The following DBH variants were observed in gnomAD, a reference collection of about 807,000 sequenced individuals.
DBH encodes the protein dopamine beta-hydroxylase.
In DBH, 49 loss-of-function variants were observed where a neutral mutation model predicts 64.0. That is an observed-to-expected ratio of 0.77 (90% CI 0.61 to 0.97). DBH has a LOEUF of 0.97. DBH is among the 50% of genes least tolerant of loss of function. DBH has a pLI of 0.00. For missense variants in DBH, 828 were observed against 826.6 expected (o/e 1.00, Z -0.02); for synonymous variants, 343 against 347.1 (o/e 0.99, Z 0.13).
chr9:133,657,497 GGAGAGAGAGAGAGAGA>G (rs149061808), intron 11 of DBH, among the ~76,000 whole-genome samples: 2 of 143,056 alleles, frequency 1.4e-5, no homozygotes, highest in African/African-American at 2.7e-5. Context: ...GAGAGAGAGA[GGAGAGAGAGAGAGAGA>G]GAGAGGGAGA....
At chr9:133,652,328 T>G (rs1564213300) in intron 8 of DBH, 44 bp downstream of exon 8, 1 of 1,605,320 alleles carries the variant, frequency 6.2e-7, no homozygotes, top group South Asian at 1.1e-5. Context: ...TGCCACCAGC[T>G]GGGGTGGCTG....
chr9:133,657,459 G>GAGAGAGAGGA, intron 11 of DBH: 1 of 506,326 alleles, frequency 2.0e-6, no homozygotes, highest in Non-Finnish European at 3.5e-6. Flanking sequence ...GAGGAGAGAG[G>GAGAGAGAGGA]GAGAGGGAGA....
chr9:133,647,741 C>T, intron 5 of DBH, 105 bp from the exon 6 acceptor site: 1 of 1,419,924 alleles, frequency 7.0e-7, no homozygotes, highest in East Asian at 2.5e-5. Context: ...ACCGGCCCTG[C>T]CTCCTGGCTG....
At chr9:133,653,754 G>A (rs932206875) in intron 9 of DBH, among the ~76,000 whole-genome samples, 3 of 152,180 alleles carry the variant, frequency 2.0e-5, no homozygotes, top group African/African-American at 7.2e-5. Context: ...TGGGTATGCA[G>A]GCAGCACCAG....
At position 133,651,659 on chromosome 9, in the gene DBH, T is replaced by C. The variant is rs778144538; in HGVS notation, c.1217T>C (p.Ile406Thr). Residue 406 changes from isoleucine to threonine, a missense_variant, in exon 7 of 12, where the codon ATC becomes ACC. Physicochemically the swap from Ile to Thr is moderately conservative, Grantham distance 89. Transcript: ENST00000393056. ...GCACTGCCTCCCTCCGGGATCCACA[T>C]CTTCGCCTCTCAGCTCCACACACAC... The part of the protein sequence containing the change: ...QLALPPSGIH[I>T]FASQLHTHLT... The C allele has an allele frequency of 6.2e-7, 1 of 1,613,778 alleles. No individual in the cohort carries two copies. The highest frequency in any genetic ancestry group is 8.5e-7 in the Non-Finnish European group (1 of 1,179,996).
At chr9:133,639,736 C>A in intron 1 of DBH, 110 bp from the exon 2 acceptor site, 1 of 1,248,258 alleles carries the variant, frequency 8.0e-7, no homozygotes, top group South Asian at 1.3e-5. Context: ...CCCAGCATCC[C>A]CAGATCAGCT....
intron 11 of DBH, among the ~76,000 whole-genome samples, chr9:133,657,519 GGA>G (rs1212098005): frequency 6.8e-6 from 1 of 146,034 alleles, no homozygotes; most frequent in Admixed American, 6.8e-5. Context: ...AGAGAGAGAG[GGA>G]GAGAGAGAGA....
Position 133,658,350 on chromosome 9 carries a change from TCTC to T in DBH, c.1759_1761del (p.Ser587del), listed in dbSNP as rs1222553845. ...AACCTGCAGCCCCTGCCCAAGGTCA[TCTC>T]CACACTGGAAGAGCCCACCCCACAG... is the stretch of plus-strand genomic sequence containing the variant. On this transcript the variant is annotated inframe_deletion, in exon 12 of 12. Coordinates refer to ENST00000393056, the MANE Select transcript of DBH (RefSeq NM_000787.4). 1 of 1,613,590 alleles carries T rather than the reference TCTC, an allele frequency of 6.2e-7. No homozygotes were observed. Among genetic ancestry groups the T allele is most frequent in the Admixed American group, 1.7e-5 (1 of 59,982 alleles).
At chr9:133,653,444 C>T (rs1050214284) in intron 9 of DBH, among the ~76,000 whole-genome samples, 50 of 152,242 alleles carry the variant, frequency 3.3e-4, no homozygotes, top group African/African-American at 1.1e-3. Context: ...AATTACAAAA[C>T]AAAACTTTAA....
chr9:133,647,947 G>A lies in DBH; in HGVS notation c.1126G>A (p.Ala376Thr), dbSNP rs1402828375. Residue 376 changes from alanine (A) to threonine (T), a missense_variant, in exon 6 of 12, where the codon GCC (alanine) becomes ACC (threonine). Coordinates refer to ENST00000393056, the MANE Select transcript of DBH (RefSeq NM_000787.4). ...ELGLVYTPVM[A>T]IPPRETAFIL... ...GGGACTGGTGTACACGCCAGTGATG[G>A]CCATTCCACCACGGGAGACCGCCTT... The A allele has an allele frequency of 1.2e-6, 2 of 1,613,900 alleles. No homozygotes were observed. The highest frequency in any genetic ancestry group is 3.3e-5 in the Admixed American group (2 of 59,990).
Position 133,647,737 on chromosome 9 carries a change from C to T in DBH, c.1025-109C>T, listed in dbSNP as rs927720445. ...TGGGAGCAGATGGGGGGTGACCGGC[C>T]CTGCCTCCTGGCTGAGGGTGGCTGG... On this transcript the variant is annotated intron_variant, in intron 5 of 11. Coordinates refer to ENST00000393056, the MANE Select transcript of DBH (RefSeq NM_000787.4). 5.8e-6 allele frequency: 8 copies of T among 1,385,336 alleles called. No homozygotes were observed. The African/African-American group carries it at 1.2e-4, about 20-fold the overall frequency. 85.8% of individuals were successfully genotyped at this position (1,385,336 alleles called of 1,614,324 possible).
chr9:133,636,546 C>T lies in DBH; in HGVS notation c.175C>T (p.Leu59=). 2 of 1,613,574 alleles carry T rather than the reference C, an allele frequency of 1.2e-6. No individual in the cohort carries two copies. The highest frequency in any genetic ancestry group is 1.7e-6 in the Non-Finnish European group (2 of 1,180,006). Residue 59 remains leucine, a synonymous_variant, in exon 1 of 12, where the codon CTG becomes TTG. Coordinates refer to ENST00000393056, the MANE Select transcript of DBH (RefSeq NM_000787.4). ...YHIPLDPEGS[L]ELSWNVSYTQ... Reference sequence around the variant, plus strand: ...CATCCCCCTGGACCCGGAGGGGTCCCTGGAGCTCTCATGGAATGTCAGCTA... The same window carrying T: ...CATCCCCCTGGACCCGGAGGGGTCCTTGGAGCTCTCATGGAATGTCAGCTA...
At chr9:133,656,360 T>G in intron 9 of DBH, 163 bp from the exon 10 acceptor site, 1 of 853,714 alleles carries the variant, frequency 1.2e-6, no homozygotes, top group South Asian at 1.6e-5. Flanking sequence ...CTGCCAATGG[T>G]GGCAATTCCT....
Position 133,640,078 on chromosome 9 carries a change from G to A in DBH, c.486+86G>A, listed in dbSNP as rs1422116642. 5 of 1,554,014 alleles carry A rather than the reference G, an allele frequency of 3.2e-6. No individual in the cohort carries two copies. The African/African-American group carries it at 5.4e-5, about 17-fold the overall frequency. ...GTGCCAATGTCATAGTACCTTTCCT[G>A]TCCCTGATAAGTCTGGGGCCTGGGC... On this transcript the variant is annotated intron_variant, in intron 2 of 11. Transcript: ENST00000393056.
At chr9:133,642,560 T>G in intron 3 of DBH, 96 bp downstream of exon 3, 2 of 1,453,746 alleles carry the variant, frequency 1.4e-6, no homozygotes, top group South Asian at 2.4e-5. Flanking sequence ...ACAGTCCTGG[T>G]TGGACCAGGT....
At chr9:133,644,984 T>G (rs571293241) in intron 5 of DBH, among the ~76,000 whole-genome samples, 1 of 151,710 alleles carries the variant, frequency 6.6e-6, no homozygotes, top group South Asian at 2.1e-4. Flanking sequence ...CATGTACACA[T>G]ATGCACGCAG....
At position 133,637,693 on chromosome 9, in the gene DBH, G is replaced by A. The variant is rs931902876; in HGVS notation, c.339+983G>A. On this transcript the variant is annotated intron_variant, in intron 1 of 11. Transcript: ENST00000393056. ...GCGGAGAGTCCCTCTCTGCCTTTTT[G>A]GGTGTTGTGAATTCATGAGGGCAGA... is the stretch of plus-strand genomic sequence containing the variant. 3.3e-5 allele frequency among the ~76,000 whole-genome samples: 5 copies of A among 152,310 alleles called. No individual in the cohort carries two copies. The East Asian group carries it at 9.6e-4, about 29-fold the overall frequency.
chr9:133,650,667 C>A (rs1001680787), intron 6 of DBH, among the ~76,000 whole-genome samples: 8 of 151,594 alleles, frequency 5.3e-5, no homozygotes, highest in African/African-American at 1.7e-4. Flanking sequence ...CCTGTCTCAG[C>A]CTCCTGAGTA....
chr9:133,637,623 G>A (rs574202053), intron 1 of DBH, among the ~76,000 whole-genome samples: 3 of 152,328 alleles, frequency 2.0e-5, no homozygotes, highest in Non-Finnish European at 4.4e-5. Context: ...TGTGCGGAGC[G>A]GCCGGCTCCA....
Sources: allele counts gnomAD v4.1 joint callset (sites outside exome capture counted in the v4.1 genomes callset), GRCh38; gene constraint gnomAD v4.1.1; transcripts MANE v1.5; gene names NCBI Gene and HGNC (gene_info 2026-07-23, HGNC 2026-07-21).